SCNN1B: variants seen among roughly 807,000 people sequenced by gnomAD.
SCNN1B encodes the protein sodium channel epithelial 1 subunit beta, also known as epithelial sodium channel subunit beta.
In SCNN1B, 46 loss-of-function variants were observed where a neutral mutation model predicts 65.3. The observed-to-expected ratio is 0.70, with a 90% CI of 0.56 to 0.90. The LOEUF (loss-of-function observed/expected upper bound fraction) is 0.90, where lower values mean the gene tolerates loss of function less well. Ranked by LOEUF, SCNN1B falls within the 40% of genes least tolerant of loss-of-function variation. SCNN1B has a pLI of 0.00. For missense variants in SCNN1B, 751 were observed against 830.5 expected, an observed-to-expected ratio of 0.90 and a Z score of 1.18; for synonymous variants, 349 against 330.6, an observed-to-expected ratio of 1.06 and a Z score of -0.60.
At chr16:23,369,788 G>C (rs1175239175) in intron 5 of SCNN1B, among the ~76,000 whole-genome samples, 1 of 152,228 alleles carries the variant, frequency 6.6e-6, no homozygotes, top group Non-Finnish European at 1.5e-5. Context: ...TGCTGTATCA[G>C]AAGCCCAGCA....
Position 23,371,324 on chromosome 16 carries a change from C to G in SCNN1B, c.906C>G (p.Gly302=). The G allele has an allele frequency of 6.2e-7, 1 of 1,614,114 alleles. No individual in the cohort carries two copies. Among genetic ancestry groups the G allele is most frequent in the Non-Finnish European group, 8.5e-7 (1 of 1,180,004 alleles). The change falls in exon 6 of 13, where the codon GGC becomes GGG. Residue 302 remains glycine (G), a synonymous_variant. Coordinates refer to ENST00000343070, the MANE Select transcript of SCNN1B (RefSeq NM_000336.3). The part of the protein sequence containing the change: ...EFGLKLILDI[G]QEDYVPFLAS... ...GCCTGAAGTTGATCCTGGACATAGG[C>G]CAGGAAGACTACGTCCCCTTCCTTG...
intron 8 of SCNN1B, among the ~76,000 whole-genome samples, chr16:23,376,917 C>T (rs1319328870): frequency 6.6e-6 from 1 of 152,198 alleles, no homozygotes; most frequent in East Asian, 1.9e-4. Context: ...GTCCACCAGG[C>T]AGGGATGGGG....
At chr16:23,373,727 G>A (rs906275622) in intron 7 of SCNN1B, among the ~76,000 whole-genome samples, 3 of 152,114 alleles carry the variant, frequency 2.0e-5, no homozygotes, top group Admixed American at 6.6e-5. Flanking sequence ...TGACCCTCCT[G>A]GTGCCCACCT....
At chr16:23,293,114 C>CAAAAAA (rs1191618996) in intron 2 of SCNN1B, among the ~76,000 whole-genome samples, 3,987 of 34,152 alleles carry the variant, frequency 0.12, 699 homozygotes, top group East Asian at 0.21. Flanking sequence ...GACTCATTCT[C>CAAAAAA]AAAAAAAAAA....
chr16:23,375,889 C>A, intron 8 of SCNN1B, 34 bp downstream of exon 8: 1 of 1,371,010 alleles, frequency 7.3e-7, no homozygotes. Context: ...GCACTCCAGC[C>A]ATCTGGGGCC....
At position 23,302,411 on chromosome 16, in the gene SCNN1B, C is replaced by A. The variant is rs1961103548; in HGVS notation, c.-35C>A. On this transcript the variant is annotated 5_prime_UTR_variant, in exon 1 of 13. Transcript: ENST00000343070. ...GCCACCGCCGACAGCGCGCATCCTC[C>A]GTGTCCCCGCTCCGCCGCCCGAGCA... The A allele has an allele frequency of 6.3e-6, 1 of 158,920 alleles. No individual in the cohort carries two copies. Among genetic ancestry groups the A allele is most frequent in the South Asian group, 1.8e-4 (1 of 5,640 alleles). The allele number at this position is 158,920 out of a possible 1,614,324, so 9.8% of individuals were successfully genotyped here.
At chr16:23,350,466 TA>T (rs894396355) in intron 2 of SCNN1B, among the ~76,000 whole-genome samples, 43 of 151,598 alleles carry the variant, frequency 2.8e-4, no homozygotes, top group African/African-American at 9.0e-4. Flanking sequence ...AAACAAAAAA[TA>T]AAAAAAAGTG....
chr16:23,367,279 T>G (rs781299672), intron 4 of SCNN1B, among the ~76,000 whole-genome samples: 1 of 152,278 alleles, frequency 6.6e-6, no homozygotes, highest in Non-Finnish European at 1.5e-5. Context: ...GAGAAAGTTC[T>G]TTTTCATTTT....
intron 2 of SCNN1B, among the ~76,000 whole-genome samples, chr16:23,351,442 T>C (rs1962306689): frequency 6.6e-6 from 1 of 152,184 alleles, no homozygotes; most frequent in Admixed American, 6.5e-5. Context: ...TGTGAACATC[T>C]AGGCTGTAAT....
chr16:23,314,752 C>A (rs1961415518), intron 1 of SCNN1B, among the ~76,000 whole-genome samples: 1 of 152,242 alleles, frequency 6.6e-6, no homozygotes, highest in African/African-American at 2.4e-5. Context: ...TAATCTCCCC[C>A]AACAAAGAGG....
chr16:23,374,505 T>C (rs1022445525), intron 7 of SCNN1B, among the ~76,000 whole-genome samples: 4 of 139,260 alleles, frequency 2.9e-5, no homozygotes, highest in African/African-American at 1.1e-4. Flanking sequence ...ACCCAGGAGG[T>C]TGAGGTTGCA....
chr16:23,355,822 G>A (rs1176581681), intron 4 of SCNN1B, among the ~76,000 whole-genome samples: 2 of 152,028 alleles, frequency 1.3e-5, no homozygotes, highest in East Asian at 3.9e-4. Flanking sequence ...GTGGGTGGGT[G>A]GCTTACCCCT....
At chr16:23,358,382 A>G (rs757194513) in intron 4 of SCNN1B, 3 of 152,190 alleles carry the variant, frequency 2.0e-5, no homozygotes, top group South Asian at 2.1e-4. Context: ...GTCTGGGGTT[A>G]GACCACCTAG....
chr16:23,373,497 C>G (rs73544472), intron 7 of SCNN1B, among the ~76,000 whole-genome samples: 7,938 of 152,200 alleles, frequency 0.052, 710 homozygotes, highest in African/African-American at 0.18. Context: ...ATCCTGATCT[C>G]CAGAGTTAAC....
chr16:23,347,093 T>C (rs1469710754), intron 1 of SCNN1B, among the ~76,000 whole-genome samples: 1 of 152,118 alleles, frequency 6.6e-6, no homozygotes, highest in Non-Finnish European at 1.5e-5. Context: ...TGAGACCCTG[T>C]CTCAAACAAA....
At chr16:23,296,020 C>A (rs751954834) in intron 2 of SCNN1B, among the ~76,000 whole-genome samples, 1 of 152,152 alleles carries the variant, frequency 6.6e-6, no homozygotes, top group African/African-American at 2.4e-5. Flanking sequence ...TGGGGCTCTG[C>A]GGTTGGATTT....
chr16:23,305,531 ATAT>A (rs1417824224), intron 1 of SCNN1B, among the ~76,000 whole-genome samples: 2,715 of 6,342 alleles, frequency 0.43, 533 homozygotes, highest in South Asian at 0.51. Context: ...CCAAATATAT[ATAT>A]TATATATATA....
chr16:23,356,873 G>C (rs152742), intron 4 of SCNN1B, among the ~76,000 whole-genome samples: 33,893 of 151,874 alleles, frequency 0.22, 4,338 homozygotes, highest in East Asian at 0.59. Flanking sequence ...GAAACGGGGG[G>C]AATCTCCATT....
At chr16:23,332,227 G>C (rs145578213) in intron 1 of SCNN1B, among the ~76,000 whole-genome samples, 1 of 150,254 alleles carries the variant, frequency 6.7e-6, no homozygotes, top group African/African-American at 2.4e-5. Flanking sequence ...ATGGAGTCTC[G>C]CTCTGTTGCC....
Sources: allele counts gnomAD v4.1 joint callset (sites outside exome capture counted in the v4.1 genomes callset), GRCh38; gene constraint gnomAD v4.1.1; transcripts MANE v1.5; gene names NCBI Gene and HGNC (gene_info 2026-07-23, HGNC 2026-07-21).